Variants in PTPRD observed in about 807,000 individuals in gnomAD.
PTPRD encodes the protein protein tyrosine phosphatase receptor type D.
In PTPRD, 34 loss-of-function variants were observed where a neutral mutation model predicts 214.5. The observed-to-expected ratio is 0.16, with a 90% CI of 0.12 to 0.21. The LOEUF (loss-of-function observed/expected upper bound fraction) is 0.21. Among genes scored for constraint, PTPRD ranks in the 10% least tolerant of loss-of-function variants. The pLI is 1.00. For synonymous variants in PTPRD, 1,128 were observed against 845.7 expected (o/e 1.33, Z -5.79); for missense variants, 2,545 against 2,398.7 (o/e 1.06, Z -1.27).
chr9:8,749,297 C>G (rs557132506), intron 11 of PTPRD, among the ~76,000 whole-genome samples: 1 of 152,092 alleles, frequency 6.6e-6, no homozygotes, highest in Non-Finnish European at 1.5e-5. Context: ...TCTACATTCT[C>G]GTGTCTCATC....
intron 5 of PTPRD, among the ~76,000 whole-genome samples, chr9:9,835,131 C>G (rs1223090280): frequency 6.6e-6 from 1 of 151,936 alleles, no homozygotes; most frequent in Admixed American, 6.6e-5. Context: ...GGATTATATC[C>G]TAGATATCTA....
chr9:8,935,800 T>A (rs1280064198), intron 11 of PTPRD, among the ~76,000 whole-genome samples: 4 of 152,212 alleles, frequency 2.6e-5, no homozygotes, highest in Non-Finnish European at 5.9e-5. Context: ...AGTAATTTCA[T>A]TCTCTTCTCA....
intron 8 of PTPRD, among the ~76,000 whole-genome samples, chr9:9,440,724 T>G (rs2144343762): frequency 6.6e-6 from 1 of 152,360 alleles, no homozygotes. Flanking sequence ...TATTCCATAT[T>G]TATTGAGTAT....
intron 12 of PTPRD, among the ~76,000 whole-genome samples, chr9:8,702,772 G>A (rs928115074): frequency 2.0e-5 from 3 of 152,016 alleles, no homozygotes; most frequent in South Asian, 2.1e-4. Flanking sequence ...TACGCCCAGC[G>A]AATTTTTTGT....
At chr9:9,020,541 T>C (rs1156659323) in intron 10 of PTPRD, among the ~76,000 whole-genome samples, 4 of 152,176 alleles carry the variant, frequency 2.6e-5, no homozygotes, top group Admixed American at 2.6e-4. Flanking sequence ...CCAAGAATGA[T>C]GGCCAGGTTT....
intron 7 of PTPRD, among the ~76,000 whole-genome samples, chr9:9,595,981 T>A (rs1359732467): frequency 6.6e-6 from 1 of 151,988 alleles, no homozygotes; most frequent in East Asian, 1.9e-4. Flanking sequence ...AATATTCCTA[T>A]TAGTATCCAT....
At chr9:8,370,775 G>A (rs2081297506) in intron 39 of PTPRD, among the ~76,000 whole-genome samples, 1 of 151,996 alleles carries the variant, frequency 6.6e-6, no homozygotes, top group African/African-American at 2.4e-5. Context: ...ACCATCATGG[G>A]ACCTAAAGTC....
At chr9:8,390,606 CAA>C (rs1452263261) in intron 36 of PTPRD, among the ~76,000 whole-genome samples, 1 of 152,118 alleles carries the variant, frequency 6.6e-6, no homozygotes, top group Non-Finnish European at 1.5e-5. Flanking sequence ...ACCCTAATGA[CAA>C]AAGAGTAAAT....
chr9:9,697,067 A>C (rs1203353312), intron 7 of PTPRD, among the ~76,000 whole-genome samples: 1 of 152,160 alleles, frequency 6.6e-6, no homozygotes, highest in Non-Finnish European at 1.5e-5. Context: ...TAGTTAAAAC[A>C]AATTGTACAC....
At chr9:8,546,542 A>G (rs1286663132) in intron 14 of PTPRD, among the ~76,000 whole-genome samples, 3 of 151,022 alleles carry the variant, frequency 2.0e-5, no homozygotes, top group African/African-American at 7.3e-5. Flanking sequence ...TCTGTAGTCC[A>G]GGCTGGAGTG....
At chr9:9,572,561 GTATA>G (rs113092220) in intron 8 of PTPRD, among the ~76,000 whole-genome samples, 4,378 of 140,790 alleles carry the variant, frequency 0.031, 79 homozygotes, top group Middle Eastern at 0.053. Flanking sequence ...ATATATATAT[GTATA>G]TATATATATA....
At chr9:9,840,240 C>T (rs557809696) in intron 5 of PTPRD, among the ~76,000 whole-genome samples, 88 of 151,888 alleles carry the variant, frequency 5.8e-4, no homozygotes, top group Non-Finnish European at 1.1e-3. Flanking sequence ...GTTTTAAACT[C>T]CTGGCCTCAA....
At chr9:9,631,353 A>T (rs896403542) in intron 7 of PTPRD, among the ~76,000 whole-genome samples, 1 of 152,178 alleles carries the variant, frequency 6.6e-6, no homozygotes, top group Admixed American at 6.5e-5. Context: ...GAACGATTAC[A>T]TCATAGTCCT....
intron 9 of PTPRD, among the ~76,000 whole-genome samples, chr9:9,279,999 G>A (rs1947074093): frequency 6.6e-6 from 1 of 151,194 alleles, no homozygotes; most frequent in Non-Finnish European, 1.5e-5. Context: ...TATATTGATA[G>A]GTTATTGGGT....
At chr9:8,851,241 A>G (rs1413842651) in intron 11 of PTPRD, among the ~76,000 whole-genome samples, 1 of 152,092 alleles carries the variant, frequency 6.6e-6, no homozygotes, top group Non-Finnish European at 1.5e-5. Flanking sequence ...CAGTATTTTA[A>G]TTAACTGCTT....
At chr9:9,833,505 C>T (rs558435834) in intron 5 of PTPRD, among the ~76,000 whole-genome samples, 17 of 151,890 alleles carry the variant, frequency 1.1e-4, no homozygotes, top group Middle Eastern at 3.4e-3. Flanking sequence ...AATGAAGTTT[C>T]GGGCACCATT....
At chr9:10,347,610 C>A (rs1174889291) in intron 2 of PTPRD, among the ~76,000 whole-genome samples, 6 of 151,784 alleles carry the variant, frequency 4.0e-5, no homozygotes, top group Non-Finnish European at 1.5e-5. Flanking sequence ...GGGGTTTCTC[C>A]ATGTTGGTCA....
In PTPRD at chr9:10,317,714, A is replaced by AT. The variant is rs560856218; in HGVS notation, c.-545+23248dup. On this transcript the variant is annotated intron_variant, in intron 3 of 45. Coordinates refer to ENST00000381196, the MANE Select transcript of PTPRD (RefSeq NM_002839.4). ...ATATAAATTTAAAATTAATAAACAG[A>AT]TTTTTTAAAGCAAACACAAATAAAA... 3.0e-3 allele frequency among the ~76,000 whole-genome samples: 458 copies of AT among 152,134 alleles called. 1 individual carries two copies. Among genetic ancestry groups the AT allele is most frequent in the African/African-American group, 0.01 (433 of 41,538 alleles).
chr9:9,346,351 G>A (rs1048791402), intron 9 of PTPRD, among the ~76,000 whole-genome samples: 1 of 152,100 alleles, frequency 6.6e-6, no homozygotes, highest in Non-Finnish European at 1.5e-5. Flanking sequence ...AACATAATTT[G>A]ATCTTGAGAA....
Sources: gnomAD v4.1 joint callset for allele counts (sites outside exome capture counted in the v4.1 genomes callset) on GRCh38, gnomAD v4.1.1 for gene constraint, MANE v1.5 for transcripts, NCBI Gene and HGNC (gene_info 2026-07-23, HGNC 2026-07-21) for gene names.